TNS3: variants seen among roughly 807,000 people sequenced by gnomAD.
TNS3 encodes the protein tensin 3.
TNS3 carries 45 observed loss-of-function variants against 140.9 expected under a neutral mutation model. That is an observed-to-expected ratio of 0.32 (90% confidence interval 0.25 to 0.41). TNS3 has a LOEUF of 0.41. Among genes scored for constraint, TNS3 ranks in the 10% least tolerant of loss-of-function variants. The probability of loss-of-function intolerance (pLI) is 1.00; values close to 1 mark genes in which losing one functional copy is unlikely to be tolerated. For synonymous variants in TNS3, 815 were observed against 788.4 expected (o/e 1.03, Z -0.56); for missense variants, 1,716 against 1,906.7 (o/e 0.90, Z 1.86).
intron 4 of TNS3, among the ~76,000 whole-genome samples, chr7:47,465,335 T>C (rs1796661270): frequency 6.6e-6 from 1 of 152,180 alleles, no homozygotes; most frequent in Non-Finnish European, 1.5e-5. Context: ...TCATGGAAGA[T>C]AACTGCAAGA....
Position 47,310,790 on chromosome 7 carries a change from A to G in TNS3, c.2651-5787T>C, listed in dbSNP as rs929862759. Among the ~76,000 whole-genome samples the G allele has an allele frequency of 3.9e-5, 6 of 152,330 alleles. No individual in the cohort carries two copies. The East Asian group carries it at 5.8e-4, about 15-fold the overall frequency. ...TGTGTCCAGGTGTTCTGATTGTTCA[A>G]TTCCCACCTATGAGTGAGAACATGC... On this transcript the variant is annotated intron_variant, in intron 20 of 30. Transcript: ENST00000311160.
At chr7:47,580,792 C>A (rs1784510112) in intron 1 of TNS3, among the ~76,000 whole-genome samples, 1 of 152,100 alleles carries the variant, frequency 6.6e-6, no homozygotes, top group Non-Finnish European at 1.5e-5. Flanking sequence ...CAGACCAAAG[C>A]CTCAAGAAAA....
intron 1 of TNS3, among the ~76,000 whole-genome samples, chr7:47,566,989 C>T (rs1800442882): frequency 7.0e-6 from 1 of 143,868 alleles, no homozygotes; most frequent in African/African-American, 2.6e-5. Flanking sequence ...CAAGATGGCA[C>T]CACTACACTC....
intron 4 of TNS3, among the ~76,000 whole-genome samples, chr7:47,467,154 CT>C (rs974704974): frequency 6.6e-6 from 1 of 152,228 alleles, no homozygotes; most frequent in Non-Finnish European, 1.5e-5. Context: ...AGTCCCTCAT[CT>C]TCCATGACCC....
intron 10 of TNS3, among the ~76,000 whole-genome samples, chr7:47,419,149 T>A (rs1025901234): frequency 6.6e-6 from 1 of 152,246 alleles, no homozygotes; most frequent in Non-Finnish European, 1.5e-5. Flanking sequence ...GTCAGTTGCA[T>A]GGACATAAGG....
At chr7:47,376,537 G>C (rs79300732) in intron 16 of TNS3, among the ~76,000 whole-genome samples, 2 of 152,144 alleles carry the variant, frequency 1.3e-5, no homozygotes, top group Non-Finnish European at 1.5e-5. Context: ...AGCAGGAAAC[G>C]GGAAGTCCAT....
Position 47,368,548 on chromosome 7 carries a change from C to T in TNS3, c.2098G>A (p.Glu700Lys), listed in dbSNP as rs1462353769. 4 of 1,578,358 alleles carry T rather than the reference C, an allele frequency of 2.5e-6. No homozygotes were observed. Among genetic ancestry groups the T allele is most frequent in the East Asian group, 4.5e-5 (2 of 44,294 alleles). The change falls in exon 17 of 31, where the codon GAG (glutamate) becomes AAG (lysine). Residue 700 changes from glutamate (E) to lysine (K), a missense_variant. Physicochemically the swap from Glu to Lys is moderately conservative, Grantham distance 56. Around this residue, in one of 3 missense-constraint regions of TNS3, gnomAD observed 1,163 missense variants for 1,182.1 expected, o/e 0.98. Coordinates refer to ENST00000311160, the MANE Select transcript of TNS3 (RefSeq NM_022748.12). ...SPTLDIDQSI[E>K]QLNRLILELD... ...TCCAGGATCAGCCTGTTGAGCTGCT[C>T]GATGGACTGGTCGATGTCCAGGGTG... is the stretch of plus-strand genomic sequence containing the variant.
intron 17 of TNS3, among the ~76,000 whole-genome samples, chr7:47,366,274 C>A (rs1003271852): frequency 6.6e-6 from 1 of 152,118 alleles, no homozygotes; most frequent in African/African-American, 2.4e-5. Context: ...GGTTGCTATA[C>A]GGCTGTATTG....
chr7:47,492,627 A>T (rs974857560), intron 3 of TNS3, among the ~76,000 whole-genome samples: 15 of 152,242 alleles, frequency 9.9e-5, no homozygotes, highest in Admixed American at 7.2e-4. Context: ...TTTCTGCTTC[A>T]AGAGAAGAGC....
intron 10 of TNS3, among the ~76,000 whole-genome samples, chr7:47,415,639 T>C (rs1280666510): frequency 1.3e-5 from 2 of 152,234 alleles, no homozygotes; most frequent in African/African-American, 4.8e-5. Flanking sequence ...AACCACTCAC[T>C]GCACCTGCTG....
chr7:47,572,250 A>T (rs1171357358), intron 1 of TNS3, among the ~76,000 whole-genome samples: 2 of 152,244 alleles, frequency 1.3e-5, no homozygotes, highest in Non-Finnish European at 2.9e-5. Flanking sequence ...AAGTCACTAC[A>T]GTCATAAATG....
chr7:47,456,077 C>CCTATGTTTTT (rs1796233650), intron 4 of TNS3, among the ~76,000 whole-genome samples: 1 of 152,156 alleles, frequency 6.6e-6, no homozygotes, highest in Non-Finnish European at 1.5e-5. Context: ...GACACAATCT[C>CCTATGTTTTT]AATTGTTTTT....
intron 10 of TNS3, among the ~76,000 whole-genome samples, chr7:47,422,494 T>TC: frequency 6.6e-6 from 1 of 152,224 alleles, no homozygotes; most frequent in South Asian, 2.1e-4. Flanking sequence ...GCGCCTATAG[T>TC]CTCAGCTACT....
intron 1 of TNS3, among the ~76,000 whole-genome samples, chr7:47,563,100 C>CA (rs1800350799): frequency 6.6e-6 from 1 of 152,200 alleles, no homozygotes; most frequent in South Asian, 2.1e-4. Context: ...ATCCCCGGGC[C>CA]AGGCCCTCTG....
At chr7:47,294,191 A>T (rs1452138056) in intron 24 of TNS3, among the ~76,000 whole-genome samples, 1 of 152,204 alleles carries the variant, frequency 6.6e-6, no homozygotes, top group African/African-American at 2.4e-5. Context: ...TCCTCTCCCA[A>T]AGAGGAGAGG....
chr7:47,302,087 G>C (rs987658229), intron 23 of TNS3, 99 bp downstream of exon 23: 1 of 965,480 alleles, frequency 1.0e-6, no homozygotes, highest in Middle Eastern at 2.1e-4. Flanking sequence ...TGAAGGCCAC[G>C]GCTGCCCGAT....
intron 1 of TNS3, among the ~76,000 whole-genome samples, chr7:47,567,849 G>C (rs1360335627): frequency 1.3e-5 from 2 of 152,182 alleles, no homozygotes; most frequent in African/African-American, 4.8e-5. Flanking sequence ...TGCAACTGGT[G>C]AGTGGTTGAG....
chr7:47,470,623 A>C (rs1796910985), intron 4 of TNS3: 4 of 985,428 alleles, frequency 4.1e-6, no homozygotes, highest in Non-Finnish European at 4.8e-6. Flanking sequence ...CCCAGCGCAG[A>C]GAAATGCAGC....
chr7:47,386,148 T>C (rs1021544433), intron 16 of TNS3, among the ~76,000 whole-genome samples: 1 of 152,240 alleles, frequency 6.6e-6, no homozygotes, highest in African/African-American at 2.4e-5. Context: ...TGTTAAGAAA[T>C]CATCACTATG....
Sources: gnomAD v4.1 joint callset for allele counts (sites outside exome capture counted in the v4.1 genomes callset) on GRCh38, gnomAD v4.1.1 for gene constraint, gnomAD v4.1.1 regional missense constraint, MANE v1.5 for transcripts, NCBI Gene and HGNC (gene_info 2026-07-23, HGNC 2026-07-21) for gene names.